The following SSC4D variants were observed in gnomAD, a reference collection of about 807,000 sequenced individuals.
SSC4D encodes scavenger receptor cysteine rich family member with 4 domains, also known as scavenger receptor cysteine-rich domain-containing group B protein.
Under a neutral mutation model 63.4 loss-of-function variants are expected in SSC4D, and 57 were observed. The observed-to-expected ratio is 0.90, with a 90% confidence interval of 0.73 to 1.12. SSC4D has a LOEUF of 1.12. Ranked by LOEUF, SSC4D falls within the 50% of genes most tolerant of loss-of-function variation. The probability of loss-of-function intolerance (pLI) is 0.00; values close to 1 mark genes in which losing one functional copy is unlikely to be tolerated. For missense variants in SSC4D, 791 were observed against 806.4 expected, an observed-to-expected ratio of 0.98 and a Z score of 0.23; for synonymous variants, 352 against 345.4, an observed-to-expected ratio of 1.02 and a Z score of -0.21.
chr7:76,397,208 G>A lies in SSC4D; in HGVS notation c.868+310C>T, dbSNP rs576925267. ...AGCGATTCTCCTGCCTCAGCCTCCC[G>A]AGTCTCTGGGATTACAAGCATGCAC... On this transcript the variant is annotated intron_variant, in intron 6 of 10. Coordinates refer to ENST00000275560, the MANE Select transcript of SSC4D (RefSeq NM_080744.2). Among the ~76,000 whole-genome samples, 16 of 152,052 alleles carry A rather than the reference G, an allele frequency of 1.1e-4. 1 individual carries two copies. Among genetic ancestry groups the A allele is most frequent in the African/African-American group, 1.7e-4 (7 of 41,384 alleles).
rs76269881 is a variant in SSC4D, at chr7:76,406,268, G to A, written c.-66-1763C>T. ...GCTGGGATTACAGGCATGAGCCACC[G>A]CACCTGGTCTGTGCATTCGAAATAT... On this transcript the variant is annotated intron_variant, in intron 1 of 10. Transcript: ENST00000275560. 4.6e-3 allele frequency among the ~76,000 whole-genome samples: 699 copies of A among 152,178 alleles called. 8 individuals are homozygous for A. Among genetic ancestry groups the A allele is most frequent in the African/African-American group, 0.016 (650 of 41,528 alleles).
chr7:76,393,200 C>T (rs1296689713), intron 9 of SSC4D, among the ~76,000 whole-genome samples: 1 of 152,030 alleles, frequency 6.6e-6, no homozygotes, highest in African/African-American at 2.4e-5. Context: ...GCCCCATTTT[C>T]CACTGCAGAA....
At chr7:76,393,373 G>T in intron 9 of SSC4D, 32 bp downstream of exon 9, 1 of 1,314,264 alleles carries the variant, frequency 7.6e-7, no homozygotes, top group African/African-American at 1.5e-5. Flanking sequence ...GCGCGGCCCC[G>T]CTGTCAGCCT....
Position 76,397,699 on chromosome 7 carries a change from C to G in SSC4D, c.687G>C (p.Gln229His). Reference sequence around the variant, plus strand: ...CGGCCATGGCCGCCCCGCAGCCCAGCTGACGACAGACCACAGCGGCATCCG... The same window carrying G: ...CGGCCATGGCCGCCCCGCAGCCCAGGTGACGACAGACCACAGCGGCATCCG... ...GLPDAAVVCR[Q>H]LGCGAAMAAT... Residue 229 changes from glutamine to histidine, a missense_variant, in exon 6 of 11, where the codon CAG (glutamine) becomes CAC (histidine). Coordinates refer to ENST00000275560, the MANE Select transcript of SSC4D (RefSeq NM_080744.2). 1 of 1,613,502 alleles carries G rather than the reference C, an allele frequency of 6.2e-7. No homozygotes were observed. The highest frequency in any genetic ancestry group is 8.5e-7 in the Non-Finnish European group (1 of 1,179,870).
intron 10 of SSC4D, among the ~76,000 whole-genome samples, chr7:76,391,178 A>G (rs993431887): frequency 2.6e-4 from 40 of 151,738 alleles, no homozygotes; most frequent in Admixed American, 2.1e-3. Flanking sequence ...TCATGCCTAT[A>G]ATCACACCAC....
At position 76,405,302 on chromosome 7, in the gene SSC4D, TATATATATATA is replaced by T. The variant is rs1563686888; in HGVS notation, c.-66-808_-66-798del. Among the ~76,000 whole-genome samples the T allele has an allele frequency of 9.1e-4, 53 of 58,342 alleles. 1 individual carries two copies. The highest frequency in any genetic ancestry group is 3.8e-3 in the African/African-American group (50 of 13,152). 38.3% of individuals were successfully genotyped at this position (58,342 alleles called of 152,430 possible). On this transcript the variant is annotated intron_variant, in intron 1 of 10. Transcript: ENST00000275560. The stretch of plus-strand genomic sequence containing the variant: ...ATATATATATATATATATATATATA[TATATATATATA>T]TATGTATTTTTTTCTTTCTTTCTTT...
In SSC4D at chr7:76,393,637, G is replaced by T; in HGVS notation, c.1101C>A (p.Thr367=). The part of the protein sequence containing the change: ...VEVLHAGGWG[T]VCDDDWDFAD... The stretch of plus-strand genomic sequence containing the variant: ...CAAAGTCCCAGTCATCGTCGCACAC[G>T]GTGCCCCAGCCCCCGGCGTGCAACA... The change falls in exon 9 of 11, where the codon ACC becomes ACA. Residue 367 remains threonine (T), a synonymous_variant. Coordinates refer to ENST00000275560, the MANE Select transcript of SSC4D (RefSeq NM_080744.2). 2 of 1,491,588 alleles carry T rather than the reference G, an allele frequency of 1.3e-6. No homozygotes were observed. The highest frequency in any genetic ancestry group is 1.8e-6 in the Non-Finnish European group (2 of 1,126,618). The allele number at this position is 1,491,588 out of a possible 1,614,324, so 92.4% of individuals were successfully genotyped here.
At chr7:76,407,041 A>G (rs974092063) in intron 1 of SSC4D, among the ~76,000 whole-genome samples, 7 of 150,202 alleles carry the variant, frequency 4.7e-5, no homozygotes, top group Non-Finnish European at 8.9e-5. Context: ...GCTCACTGCA[A>G]CCTCCACCTC....
chr7:76,407,484 A>C (rs1805078589), intron 1 of SSC4D, among the ~76,000 whole-genome samples: 1 of 151,970 alleles, frequency 6.6e-6, no homozygotes, highest in African/African-American at 2.4e-5. Flanking sequence ...GGCGGGTATC[A>C]CCACGCCCAG....
chr7:76,400,540 A>C lies in SSC4D; in HGVS notation c.221T>G (p.Met74Arg), dbSNP rs745651709. 23 of 1,552,434 alleles carry C rather than the reference A, an allele frequency of 1.5e-5. No individual in the cohort carries two copies. The highest frequency in any genetic ancestry group is 2.0e-5 in the Non-Finnish European group (23 of 1,146,998). The part of the protein sequence containing the change: ...PSRCRGRLEV[M>R]HGGSWGSVCD... ...GACGCTGCCCCAGGAGCCACCGTGC[A>C]TGACTTCCAGGCGGCCCCGGCAGCG... Residue 74 changes from methionine (M) to arginine (R), a missense_variant, in exon 4 of 11, where the codon ATG becomes AGG. Coordinates refer to ENST00000275560, the MANE Select transcript of SSC4D (RefSeq NM_080744.2).
At position 76,395,010 on chromosome 7, in the gene SSC4D, T is replaced by C. The variant is rs144895553; in HGVS notation, c.946+243A>G. 8.2e-4 allele frequency among the ~76,000 whole-genome samples: 124 copies of C among 152,020 alleles called. 1 individual carries two copies. The East Asian group carries it at 0.021, about 26-fold the overall frequency. On this transcript the variant is annotated intron_variant, in intron 7 of 10. Coordinates refer to ENST00000275560, the MANE Select transcript of SSC4D (RefSeq NM_080744.2). ...GAGCCACCGCCCACATCCCAAATTT[T>C]ACTTCTGTGCTTTGAAGAAATCTCT...
chr7:76,400,906 T>C, intron 3 of SSC4D, 102 bp downstream of exon 3: 1 of 1,468,442 alleles, frequency 6.8e-7, no homozygotes, highest in Non-Finnish European at 9.3e-7. Flanking sequence ...GCATCTAGAG[T>C]CAAGGGGGGC....
intron 9 of SSC4D, 146 bp downstream of exon 9, chr7:76,393,259 A>G: frequency 5.0e-6 from 4 of 806,190 alleles, no homozygotes; most frequent in Non-Finnish European, 6.6e-6. Context: ...GAGCGGGCGC[A>G]CGGCGGGGCG....
chr7:76,397,885 TC>T lies in SSC4D; in HGVS notation c.554-54del. 6 of 1,455,836 alleles carry T rather than the reference TC, an allele frequency of 4.1e-6. No homozygotes were observed. In the South Asian group the frequency reaches 5.6e-5, roughly 14 times the overall value. The allele number at this position is 1,455,836 out of a possible 1,614,324, so 90.2% of individuals were successfully genotyped here. The stretch of plus-strand genomic sequence containing the variant: ...CATCTCCCACTGGCCTCTGCCCCCG[TC>T]CGCACCGCAAGGGCAGCCCGGTGTC... On this transcript the variant is annotated intron_variant, in intron 5 of 10. Transcript: ENST00000275560.
At chr7:76,405,386 TG>T (rs1440377965) in intron 1 of SSC4D, among the ~76,000 whole-genome samples, 1 of 129,944 alleles carries the variant, frequency 7.7e-6, no homozygotes, top group Non-Finnish European at 1.6e-5. Context: ...TTCACCATAT[TG>T]GCCAGGCTGG....
At position 76,405,784 on chromosome 7, in the gene SSC4D, GGA is replaced by G. The variant is rs1375104497; in HGVS notation, c.-66-1281_-66-1280del. On this transcript the variant is annotated intron_variant, in intron 1 of 10. Transcript: ENST00000275560. ...GGATGTGTGAAGAGGGCAAATGGTG[GGA>G]GAGGGGGTTGGCAGGGTTGGCTCGG... Among the ~76,000 whole-genome samples, 3 of 152,038 alleles carry G rather than the reference GGA, an allele frequency of 2.0e-5. No homozygotes were observed. The East Asian group carries it at 5.8e-4, about 29-fold the overall frequency.
rs555879053 is a variant in SSC4D at position 76,389,651 on chromosome 7, G to A, written c.*408C>T. On this transcript the variant is annotated 3_prime_UTR_variant, in exon 11 of 11. Transcript: ENST00000275560. ...CCCTCCTGCCTTCCCTCTTCTTGGGGATCCCAAGATGGGTTGGGGGAAGAG... is the reference window on the plus strand; with the variant it reads ...CCCTCCTGCCTTCCCTCTTCTTGGGAATCCCAAGATGGGTTGGGGGAAGAG... 428 of 185,756 alleles carry A rather than the reference G, an allele frequency of 2.3e-3. 1 individual carries two copies. Among genetic ancestry groups the A allele is most frequent in the Non-Finnish European group, 4.2e-3 (369 of 87,840 alleles). The allele number at this position is 185,756 out of a possible 1,614,324, so 11.5% of individuals were successfully genotyped here. A position where few individuals can be genotyped will look rare whatever the true frequency, so the allele number is the denominator to read the frequency against.
chr7:76,393,105 G>T (rs1804528774), intron 9 of SSC4D, among the ~76,000 whole-genome samples: 1 of 152,180 alleles, frequency 6.6e-6, no homozygotes, highest in South Asian at 2.1e-4. Context: ...CGGACTTGAT[G>T]CCTTTCTCGA....
intron 6 of SSC4D, among the ~76,000 whole-genome samples, chr7:76,397,068 AG>A (rs1166357063): frequency 6.6e-6 from 1 of 152,126 alleles, no homozygotes; most frequent in East Asian, 1.9e-4. Flanking sequence ...GTATTGGTGA[AG>A]CAATAGTACA....
Sources: allele counts gnomAD v4.1 joint callset (sites outside exome capture counted in the v4.1 genomes callset), GRCh38; gene constraint gnomAD v4.1.1; transcripts MANE v1.5; gene names NCBI Gene and HGNC (gene_info 2026-07-23, HGNC 2026-07-21).